FLT4: variants seen among roughly 807,000 people sequenced by gnomAD.
The protein encoded by FLT4 is vascular endothelial growth factor receptor 3.
In FLT4, 30 loss-of-function variants were observed where a neutral mutation model predicts 163.2. That is an observed-to-expected ratio of 0.18 (90% confidence interval 0.14 to 0.25). The LOEUF (loss-of-function observed/expected upper bound fraction) is 0.25, where lower values mean the gene tolerates loss of function less well. Among genes scored for constraint, FLT4 ranks in the 10% least tolerant of loss-of-function variants. The pLI, the probability that FLT4 is intolerant of heterozygous loss-of-function variation, is 1.00. For missense variants in FLT4, 1,510 were observed against 1,863.8 expected, an observed-to-expected ratio of 0.81 and a Z score of 3.50; for synonymous variants, 884 against 789.5, an observed-to-expected ratio of 1.12 and a Z score of -2.01.
At chr5:180,607,638 C>CAAA (rs36124722) in intron 29 of FLT4, among the ~76,000 whole-genome samples, 2 of 132,034 alleles carry the variant, frequency 1.5e-5, no homozygotes, top group Non-Finnish European at 3.1e-5. Flanking sequence ...GAGACTGTCT[C>CAAA]AAAAAAAAAA....
At chr5:180,647,646 T>A (rs182013356) in intron 1 of FLT4, among the ~76,000 whole-genome samples, 48 of 151,620 alleles carry the variant, frequency 3.2e-4, no homozygotes, top group African/African-American at 1.1e-3. Context: ...GCATCCCCCA[T>A]CAAGCTGGGG....
At chr5:180,631,876 T>G in intron 1 of FLT4, 98 bp from the exon 2 acceptor site, 1 of 844,948 alleles carries the variant, frequency 1.2e-6, no homozygotes, top group East Asian at 2.6e-5. Context: ...CGCAGACCCC[T>G]GCAGGGCCGG....
chr5:180,611,357 G>C lies in FLT4; in HGVS notation c.3660C>G (p.Ser1220Arg), dbSNP rs150076789. The change falls in exon 27 of 30, where the codon AGC becomes AGG. Residue 1220 changes from serine to arginine, a missense_variant. Transcript: ENST00000261937. ...TGGCGGCCAGGCTGTGGCGCTGCAG[G>C]CTTGGCGGGCTGTCCTCAGCGTCAG... ...AQADAEDSPP[S>R]LQRHSLAARY... 9 of 1,613,854 alleles carry C rather than the reference G, an allele frequency of 5.6e-6. No homozygotes were observed. The highest frequency in any genetic ancestry group is 1.3e-5 in the African/African-American group (1 of 75,054).
intron 29 of FLT4, among the ~76,000 whole-genome samples, chr5:180,606,950 C>T (rs557697330): frequency 1.3e-5 from 2 of 151,390 alleles, no homozygotes; most frequent in Non-Finnish European, 2.9e-5. Flanking sequence ...TGGTGGCACA[C>T]GCCTATAATC....
At chr5:180,607,829 C>A in intron 29 of FLT4, 2 of 479,298 alleles carry the variant, frequency 4.2e-6, no homozygotes, top group East Asian at 6.9e-5. Context: ...CTGGTGGGCA[C>A]AGGGTCAGGT....
In FLT4 at chr5:180,620,739, C is replaced by CGTGTGTGTGT. The variant is rs57822329; in HGVS notation, c.2300-34_2300-25dup. 8 of 1,533,932 alleles carry CGTGTGTGTGT rather than the reference C, an allele frequency of 5.2e-6. No individual in the cohort carries two copies. Among genetic ancestry groups the CGTGTGTGTGT allele is most frequent in the Non-Finnish European group, 7.2e-6 (8 of 1,114,352 alleles). ...GCCTGCGTGGGCAGAAAGGGGCCGGCGTGTGTGTGTGTGTGTGTAAGAGCG... is the reference window on the plus strand; with the variant it reads ...GCCTGCGTGGGCAGAAAGGGGCCGGCGTGTGTGTGTGTGTGTGTGTGTGTGTGTAAGAGCG... On this transcript the variant is annotated intron_variant, in intron 15 of 29. Transcript: ENST00000261937. The surrounding 1 kb of genome is among the most constrained non-coding windows in gnomAD (Gnocchi z 4.4).
In FLT4 at chr5:180,602,818, C is replaced by T. The variant is rs938507466; in HGVS notation, c.*374G>A. 42 of 558,024 alleles carry T rather than the reference C, an allele frequency of 7.5e-5. 1 individual carries two copies. In the Admixed American group the frequency reaches 1.2e-3, roughly 15 times the overall value. 34.6% of individuals were successfully genotyped at this position (558,024 alleles called of 1,614,324 possible). A position where few individuals can be genotyped will look rare whatever the true frequency, so the allele number is the denominator to read the frequency against. Reference sequence around the variant, plus strand: ...CTCCAACACTGTGTGACTCCCAGACCCACAGATTCCTCGTGGGAAAACAGG... The same window carrying T: ...CTCCAACACTGTGTGACTCCCAGACTCACAGATTCCTCGTGGGAAAACAGG... On this transcript the variant is annotated 3_prime_UTR_variant, in exon 30 of 30. Transcript: ENST00000261937.
At chr5:180,612,779 C>G (rs1762316363) in intron 25 of FLT4, among the ~76,000 whole-genome samples, 168 bp from the exon 26 acceptor site, 1 of 152,104 alleles carries the variant, frequency 6.6e-6, no homozygotes, top group African/African-American at 2.4e-5. Flanking sequence ...CCCAGCGTCC[C>G]CTCCTGGTGA....
At chr5:180,626,082 AC>A in intron 9 of FLT4, 28 bp downstream of exon 9, 1 of 1,612,594 alleles carries the variant, frequency 6.2e-7, no homozygotes. Flanking sequence ...CAGGCCGCCC[AC>A]CCGTGCGCTC....
chr5:180,629,663 G>T, intron 6 of FLT4, 33 bp downstream of exon 6: 1 of 1,605,458 alleles, frequency 6.2e-7, no homozygotes. Flanking sequence ...GACTCCTGGG[G>T]ACAGGACAGC....
chr5:180,649,004 C>T (rs1291073910), intron 1 of FLT4, among the ~76,000 whole-genome samples: 1 of 152,174 alleles, frequency 6.6e-6, no homozygotes, highest in Non-Finnish European at 1.5e-5. Context: ...CCGCCTCGAG[C>T]GCCCTCTGGG....
rs750592624 is a variant in FLT4 at position 180,621,137 on chromosome 5, G to A, written c.2136C>T (p.Tyr712=). 3 of 1,612,808 alleles carry A rather than the reference G, an allele frequency of 1.9e-6. No homozygotes were observed. Among genetic ancestry groups the A allele is most frequent in the South Asian group, 2.2e-5 (2 of 91,084 alleles). The change falls in exon 14 of 30, where the codon TAC becomes TAT. Residue 712 remains tyrosine (Y), a synonymous_variant. Transcript: ENST00000261937. ...AGAHAPSIVW[Y]KDERLLEEKS... ...TTTCCTCCAGCAGCCTCTCGTCTTT[G>A]TACCACACGATGCTGGGCGCGTGCG...
chr5:180,611,635 C>G (rs1762210922), intron 26 of FLT4, 156 bp from the exon 27 acceptor site: 1 of 800,482 alleles, frequency 1.2e-6, no homozygotes, highest in Admixed American at 2.1e-5. Context: ...TCGCCCTGCC[C>G]TCAGCCCTCG....
intron 1 of FLT4, among the ~76,000 whole-genome samples, chr5:180,640,579 C>T (rs1015085312): frequency 1.3e-5 from 2 of 152,254 alleles, no homozygotes; most frequent in Admixed American, 1.3e-4. Context: ...TGGCTTCATG[C>T]CCTAGTTGGC....
chr5:180,629,595 A>G, intron 6 of FLT4, 101 bp downstream of exon 6: 1 of 1,487,072 alleles, frequency 6.7e-7, no homozygotes, highest in Non-Finnish European at 9.2e-7. Flanking sequence ...CCCCTGGGGC[A>G]GGCCTGGGCC....
chr5:180,611,066 A>C (rs1762150171), intron 27 of FLT4, among the ~76,000 whole-genome samples: 1 of 152,196 alleles, frequency 6.6e-6, no homozygotes, highest in Admixed American at 6.5e-5. Flanking sequence ...CAAAAAAATA[A>C]ATAAATAAAT....
chr5:180,620,531 C>G lies in FLT4; in HGVS notation c.2406+78G>C. The G allele has an allele frequency of 7.7e-7, 1 of 1,298,018 alleles. No homozygotes were observed. 80.4% of individuals were successfully genotyped at this position (1,298,018 alleles called of 1,614,324 possible). On this transcript the variant is annotated intron_variant, in intron 16 of 29. Coordinates refer to ENST00000261937, the MANE Select transcript of FLT4 (RefSeq NM_182925.5). This position sits in a 1 kb window ranked among gnomAD's most constrained non-coding sequence, Gnocchi z 4.4. ...CTGCCAGGTGAACTAGGGCGGGCACCTTATTCTTTATCTTAGGGGCGGCCA... is the reference window on the plus strand; with the variant it reads ...CTGCCAGGTGAACTAGGGCGGGCACGTTATTCTTTATCTTAGGGGCGGCCA...
At chr5:180,631,323 A>G (rs1764123586) in intron 2 of FLT4, among the ~76,000 whole-genome samples, 1 of 152,042 alleles carries the variant, frequency 6.6e-6, no homozygotes, top group Non-Finnish European at 1.5e-5. Context: ...AATACAAAAA[A>G]TTAGCCGGGC....
chr5:180,630,856 C>A lies in FLT4; in HGVS notation c.156-57G>T. 1 of 1,537,764 alleles carries A rather than the reference C, an allele frequency of 6.5e-7. No homozygotes were observed. The highest frequency in any genetic ancestry group is 2.3e-5 in the East Asian group (1 of 42,950). ...CCAGGGCAGCCCATGGGGACTGTCC[C>A]TGAGAAGCCTCCCTCAGGCCGAGCC... On this transcript the variant is annotated intron_variant, in intron 2 of 29. Coordinates refer to ENST00000261937, the MANE Select transcript of FLT4 (RefSeq NM_182925.5). The surrounding 1 kb of genome is among the most constrained non-coding windows in gnomAD (Gnocchi z 6.3).
Sources: allele counts gnomAD v4.1 joint callset (sites outside exome capture counted in the v4.1 genomes callset), GRCh38; gene constraint gnomAD v4.1.1; non-coding constraint Gnocchi (gnomAD v3.1); transcripts MANE v1.5; gene names NCBI Gene and HGNC (gene_info 2026-07-23, HGNC 2026-07-21).